ROBO1: variants seen among roughly 807,000 people sequenced by gnomAD.
ROBO1 encodes the protein roundabout homolog 1.
Under a neutral mutation model 195.9 loss-of-function variants are expected in ROBO1, and 149 were observed. That is an observed-to-expected ratio of 0.76 (90% CI 0.67 to 0.87). The LOEUF is 0.87. Among genes scored for constraint, ROBO1 ranks in the 40% least tolerant of loss-of-function variants. The pLI is 0.00. For synonymous variants in ROBO1, 816 were observed against 733.2 expected (o/e 1.11, Z -1.82); for missense variants, 1,933 against 2,068.3 (o/e 0.93, Z 1.27).
chr3:79,584,643 T>TGAA (rs1943768262), intron 2 of ROBO1, among the ~76,000 whole-genome samples: 2 of 133,246 alleles, frequency 1.5e-5, no homozygotes, highest in Non-Finnish European at 3.1e-5. Flanking sequence ...GTGTGTATGT[T>TGAA]CATACACACA....
At chr3:79,375,101 A>T (rs1049439553) in intron 2 of ROBO1, among the ~76,000 whole-genome samples, 3 of 152,220 alleles carry the variant, frequency 2.0e-5, no homozygotes, top group Admixed American at 6.5e-5. Flanking sequence ...GTCAACAAAC[A>T]CCCACATTAT....
intron 4 of ROBO1, among the ~76,000 whole-genome samples, chr3:78,903,550 TACACAC>T (rs146975185): frequency 3.0e-4 from 43 of 143,434 alleles, no homozygotes; most frequent in African/African-American, 7.5e-4. Flanking sequence ...ATAAAAGAAG[TACACAC>T]ACACACACAC....
In ROBO1 at chr3:79,700,014, ATC is replaced by A. The variant is rs532718235; in HGVS notation, c.-51+67736_-51+67737del. On this transcript the variant is annotated intron_variant, in intron 1 of 30. Coordinates refer to ENST00000464233, the MANE Select transcript of ROBO1 (RefSeq NM_002941.4). ...CCTTCTCTCTCTAATACTTCCCAAC[ATC>A]TGTTGTTGCCATCTTTATGTCCCTA... 1.7e-3 allele frequency among the ~76,000 whole-genome samples: 253 copies of A among 151,598 alleles called. 1 individual carries two copies. Among genetic ancestry groups the A allele is most frequent in the Middle Eastern group, 3.4e-3 (1 of 294 alleles).
At chr3:79,590,715 T>A (rs1185986350) in intron 1 of ROBO1, among the ~76,000 whole-genome samples, 4 of 151,778 alleles carry the variant, frequency 2.6e-5, no homozygotes, top group Non-Finnish European at 4.4e-5. Context: ...AAAACAATAC[T>A]ATTTAGAGAT....
rs986762695 is a variant in ROBO1 at position 79,616,527 on chromosome 3, C to G, written c.-50-26566G>C. Among the ~76,000 whole-genome samples the G allele has an allele frequency of 2.6e-5, 4 of 151,920 alleles. No homozygotes were observed. In the East Asian group the frequency reaches 7.8e-4, roughly 30 times the overall value. On this transcript the variant is annotated intron_variant, in intron 1 of 30. Transcript: ENST00000464233. ...AAAGTGTACTTTGGGACATAGGAAA[C>G]CAGATAACATGGTCTCCCTGGCCAG...
chr3:78,701,681 T>C (rs946546245), intron 8 of ROBO1, among the ~76,000 whole-genome samples: 4 of 152,218 alleles, frequency 2.6e-5, no homozygotes, highest in Non-Finnish European at 5.9e-5. Context: ...GAAATGACTA[T>C]TTCACCATCC....
intron 1 of ROBO1, among the ~76,000 whole-genome samples, chr3:79,663,053 G>A (rs957648981): frequency 6.6e-6 from 1 of 152,052 alleles, no homozygotes; most frequent in Non-Finnish European, 1.5e-5. Context: ...ACAAGTGGGA[G>A]CTAATAAGTG....
chr3:78,982,808 G>A (rs895885501), intron 3 of ROBO1, among the ~76,000 whole-genome samples: 2 of 151,956 alleles, frequency 1.3e-5, no homozygotes, highest in African/African-American at 4.8e-5. Context: ...TTATAGAGAT[G>A]GGGTTTCACC....
intron 27 of ROBO1, 89 bp downstream of exon 27, chr3:78,617,546 T>C: frequency 7.8e-7 from 1 of 1,279,898 alleles, no homozygotes; most frequent in East Asian, 2.5e-5. Flanking sequence ...GCTTTTCAAA[T>C]AGGACGTAAG....
chr3:79,578,148 C>T (rs1943554298), intron 2 of ROBO1, among the ~76,000 whole-genome samples: 1 of 152,158 alleles, frequency 6.6e-6, no homozygotes, highest in East Asian at 1.9e-4. Context: ...ACTGACAACA[C>T]CAATTTCTCA....
chr3:79,667,077 C>T (rs537157674), intron 1 of ROBO1, among the ~76,000 whole-genome samples: 3 of 151,830 alleles, frequency 2.0e-5, no homozygotes, highest in Non-Finnish European at 2.9e-5. Context: ...CCTCTGGATT[C>T]GGCCAGTGAG....
chr3:78,839,903 A>G (rs1253567984), intron 4 of ROBO1, among the ~76,000 whole-genome samples: 2 of 152,208 alleles, frequency 1.3e-5, no homozygotes, highest in Non-Finnish European at 2.9e-5. Context: ...GAATTCATGA[A>G]TCATCTGTTT....
intron 2 of ROBO1, among the ~76,000 whole-genome samples, chr3:79,249,958 G>T (rs956667549): frequency 6.6e-6 from 1 of 152,162 alleles, no homozygotes; most frequent in Non-Finnish European, 1.5e-5. Flanking sequence ...AGGAGTGAGT[G>T]GTTGGTTGGA....
chr3:78,717,684 T>G, intron 6 of ROBO1, 79 bp downstream of exon 6: 1 of 1,482,350 alleles, frequency 6.7e-7, no homozygotes, highest in African/African-American at 1.4e-5. Flanking sequence ...TTAACAATTT[T>G]TCTTTCCCCC....
chr3:79,556,926 T>G (rs2107693179), intron 2 of ROBO1, among the ~76,000 whole-genome samples: 1 of 151,288 alleles, frequency 6.6e-6, no homozygotes, highest in South Asian at 2.1e-4. Flanking sequence ...ATTTTTTACT[T>G]TATTTTTATT....
chr3:79,743,673 A>G (rs1390138391), intron 1 of ROBO1, among the ~76,000 whole-genome samples: 1 of 152,238 alleles, frequency 6.6e-6, no homozygotes, highest in Non-Finnish European at 1.5e-5. Context: ...TTCTACAGCT[A>G]CACAAAAATA....
At position 79,106,742 on chromosome 3, in the gene ROBO1, A is replaced by G. The variant is rs532702022; in HGVS notation, c.172+18714T>C. ...AAAAAAAAATGTAAGTTAAAAATAT[A>G]TACACATCAAAGCACAATAATGATA... On this transcript the variant is annotated intron_variant, in intron 3 of 30. Transcript: ENST00000464233. 1.6e-3 allele frequency among the ~76,000 whole-genome samples: 245 copies of G among 151,808 alleles called. 2 individuals are homozygous for G. The highest frequency in any genetic ancestry group is 5.3e-3 in the African/African-American group (222 of 41,534).
At chr3:78,811,081 T>C (rs561790663) in intron 4 of ROBO1, among the ~76,000 whole-genome samples, 1 of 152,224 alleles carries the variant, frequency 6.6e-6, no homozygotes, top group African/African-American at 2.4e-5. Flanking sequence ...AAATACTAAG[T>C]ATTCATTTTT....
chr3:79,342,853 A>C (rs1014735693), intron 2 of ROBO1, among the ~76,000 whole-genome samples: 1 of 152,196 alleles, frequency 6.6e-6, no homozygotes, highest in African/African-American at 2.4e-5. Context: ...TACATTGCAC[A>C]TCGTTACCAC....
Sources: allele counts gnomAD v4.1 joint callset (sites outside exome capture counted in the v4.1 genomes callset), GRCh38; gene constraint gnomAD v4.1.1; transcripts MANE v1.5; gene names NCBI Gene and HGNC (gene_info 2026-07-23, HGNC 2026-07-21).